Variants in FGF18 observed in about 807,000 individuals in gnomAD.
FGF18 encodes the protein fibroblast growth factor 18.
FGF18 carries 5 observed loss-of-function variants against 23.0 expected under a neutral mutation model. That is an observed-to-expected ratio of 0.22 (90% CI 0.11 to 0.46). The LOEUF (loss-of-function observed/expected upper bound fraction) is 0.46. Among genes scored for constraint, FGF18 ranks in the 20% least tolerant of loss-of-function variants. The pLI is 0.99. For missense variants in FGF18, 180 were observed against 291.6 expected (o/e 0.62, Z 2.79); for synonymous variants, 117 against 118.9 (o/e 0.98, Z 0.10).
chr5:171,425,422 T>A (rs1772075176), intron 2 of FGF18, among the ~76,000 whole-genome samples: 1 of 152,164 alleles, frequency 6.6e-6, no homozygotes, highest in African/African-American at 2.4e-5. Context: ...AGTTTCACCA[T>A]GTTGGCCAGG....
chr5:171,441,799 G>A (rs958901653), intron 3 of FGF18, among the ~76,000 whole-genome samples: 1 of 152,236 alleles, frequency 6.6e-6, no homozygotes, highest in African/African-American at 2.4e-5. Flanking sequence ...CCCTGTGTGT[G>A]TCAGGGTATG....
At position 171,435,990 on chromosome 5, in the gene FGF18, G is replaced by C; in HGVS notation, c.70-103G>C. 8.7e-6 allele frequency: 8 copies of C among 916,480 alleles called. No individual in the cohort carries two copies. The South Asian group carries it at 1.9e-4, about 22-fold the overall frequency. The allele number at this position is 916,480 out of a possible 1,614,324, so 56.8% of individuals were successfully genotyped here. ...GTGTGCCACGGCCTGGCTCAGAGCC[G>C]GTGTAGAGAAGCCCTTGGTCTTTGT... On this transcript the variant is annotated intron_variant, in intron 2 of 4. Transcript: ENST00000274625.
intron 2 of FGF18, among the ~76,000 whole-genome samples, chr5:171,430,174 T>C (rs541836158): frequency 6.7e-6 from 1 of 149,700 alleles, no homozygotes; most frequent in Non-Finnish European, 1.5e-5. Context: ...CTGGCCAAGA[T>C]GGTGAAATCC....
chr5:171,456,339 A>G lies in FGF18; in HGVS notation c.358-200A>G, dbSNP rs1581282523. 6.6e-6 allele frequency among the ~76,000 whole-genome samples: 1 copy of G among 151,356 alleles called. No individual in the cohort carries two copies. Among genetic ancestry groups the G allele is most frequent in the African/African-American group, 2.4e-5 (1 of 41,120 alleles). ...CGATGTTTCCTCTTAGTCATTTTCC[A>G]CTCTGCTCCTTGGCTATAAACCCCC... is the stretch of plus-strand genomic sequence containing the variant. On this transcript the variant is annotated intron_variant, in intron 4 of 4. Transcript: ENST00000274625. This position sits in a 1 kb window ranked among gnomAD's most constrained non-coding sequence, Gnocchi z 6.1.
At chr5:171,420,469 C>T in intron 2 of FGF18, 26 bp downstream of exon 2, 1 of 1,610,080 alleles carries the variant, frequency 6.2e-7, no homozygotes. Flanking sequence ...ACTTTGACCT[C>T]CTCCCGCCCC....
Position 171,451,949 on chromosome 5 carries a change from C to T in FGF18, c.357+2696C>T, listed in dbSNP as rs1772520949. On this transcript the variant is annotated intron_variant, in intron 4 of 4. Coordinates refer to ENST00000274625, the MANE Select transcript of FGF18 (RefSeq NM_003862.3). The surrounding 1 kb of genome is among the most constrained non-coding windows in gnomAD (Gnocchi z 4.5). ...TTGCCTGTCTGCTAACCTGGGTTGT[C>T]ACTGTTTGTCTTTGTGCCTGCATCC... Among the ~76,000 whole-genome samples the T allele has an allele frequency of 2.0e-5, 3 of 152,202 alleles. No individual in the cohort carries two copies. The highest frequency in any genetic ancestry group is 2.0e-4 in the Admixed American group (3 of 15,288).
At position 171,436,219 on chromosome 5, in the gene FGF18, A is replaced by C; in HGVS notation, c.196A>C (p.Ile66Leu). 1 of 1,605,074 alleles carries C rather than the reference A, an allele frequency of 6.2e-7. No individual in the cohort carries two copies. The highest frequency in any genetic ancestry group is 8.5e-7 in the Non-Finnish European group (1 of 1,175,384). ...CTACAGCCGGACCAGTGGGAAACAC[A>C]TCCAGGTCCTGGGCCGCAGGATCAG... The part of the protein sequence containing the change: ...QLYSRTSGKH[I>L]QVLGRRISAR... Residue 66 changes from isoleucine to leucine, a missense_variant, in exon 3 of 5, where the codon ATC becomes CTC. By Grantham distance (5) the Ile-to-Leu change is conservative. This residue lies in a region of FGF18 where 83 missense variants were observed against 190.4 expected (regional missense o/e 0.44). Transcript: ENST00000274625. The surrounding 1 kb of genome is among the most constrained non-coding windows in gnomAD (Gnocchi z 4.4).
rs557332074 is a variant in FGF18, at chr5:171,420,504, C to G, written c.69+61C>G. ...CTGCCTCGCGGTACACGCCGACCCC[C>G]CTTCCCCGGCCGCGCCCCCTCCCTG... On this transcript the variant is annotated intron_variant, in intron 2 of 4. Coordinates refer to ENST00000274625, the MANE Select transcript of FGF18 (RefSeq NM_003862.3). 2.6e-6 allele frequency: 4 copies of G among 1,511,284 alleles called. No homozygotes were observed. The East Asian group carries it at 6.8e-5, about 26-fold the overall frequency. The allele number at this position is 1,511,284 out of a possible 1,614,324, so 93.6% of individuals were successfully genotyped here.
At chr5:171,429,358 G>A (rs776858535) in intron 2 of FGF18, among the ~76,000 whole-genome samples, 6 of 152,224 alleles carry the variant, frequency 3.9e-5, no homozygotes, top group South Asian at 2.1e-4. Flanking sequence ...TGTGAGGAGC[G>A]GACATGGGCC....
At position 171,453,929 on chromosome 5, in the gene FGF18, C is replaced by T. The variant is rs148216183; in HGVS notation, c.358-2610C>T. ...TCATGTGTCATCCCACCGTTTCCAT[C>T]CTAATGAAAATGCGTTCAACCCCAA... On this transcript the variant is annotated intron_variant, in intron 4 of 4. Transcript: ENST00000274625. Among the ~76,000 whole-genome samples the T allele has an allele frequency of 4.5e-3, 684 of 152,170 alleles. 1 individual carries two copies. The highest frequency in any genetic ancestry group is 0.015 in the African/African-American group (633 of 41,524).
intron 2 of FGF18, among the ~76,000 whole-genome samples, chr5:171,424,189 G>A (rs1772059746): frequency 6.6e-6 from 1 of 152,190 alleles, no homozygotes; most frequent in Non-Finnish European, 1.5e-5. Flanking sequence ...GCCTCCAAGA[G>A]CTCCCAGTTT....
rs756441926 is a variant in FGF18 at position 171,436,201 on chromosome 5, C to T, written c.178C>T (p.Arg60Trp). The change falls in exon 3 of 5, where the codon CGG becomes TGG. Residue 60 changes from arginine (R) to tryptophan (W), a missense_variant. Physicochemically the swap from Arg to Trp is moderately radical, Grantham distance 101. Transcript: ENST00000274625. The surrounding 1 kb of genome is among the most constrained non-coding windows in gnomAD (Gnocchi z 4.4). ...KQLRLYQLYS[R>W]TSGKHIQVLG... ...GCTGCGGCTGTACCAGCTCTACAGC[C>T]GGACCAGTGGGAAACACATCCAGGT... 2 of 1,607,726 alleles carry T rather than the reference C, an allele frequency of 1.2e-6. No homozygotes were observed. The highest frequency in any genetic ancestry group is 1.3e-5 in the African/African-American group (1 of 74,754).
Position 171,449,230 on chromosome 5 carries a change from C to T in FGF18, c.334C>T (p.Arg112Cys), listed in dbSNP as rs1772457458. 5 of 1,613,766 alleles carry T rather than the reference C, an allele frequency of 3.1e-6. No homozygotes were observed. The highest frequency in any genetic ancestry group is 2.7e-5 in the African/African-American group (2 of 74,886). Residue 112 changes from arginine to cysteine, a missense_variant, in exon 4 of 5, where the codon CGC (arginine) becomes TGC (cysteine). Around this residue, in one of 3 missense-constraint regions of FGF18, gnomAD observed 83 missense variants for 190.4 expected, o/e 0.44. Coordinates refer to ENST00000274625, the MANE Select transcript of FGF18 (RefSeq NM_003862.3). ...KETEFYLCMN[R>C]KGKLVGKPDG... ...GACGGAATTCTACCTGTGCATGAACCGCAAAGGCAAGCTCGTGGGGAAGGT... is the reference window on the plus strand; with the variant it reads ...GACGGAATTCTACCTGTGCATGAACTGCAAAGGCAAGCTCGTGGGGAAGGT...
chr5:171,456,781 G>T lies in FGF18; in HGVS notation c.600G>T (p.Arg200=). The T allele has an allele frequency of 6.2e-7, 1 of 1,613,724 alleles. No individual in the cohort carries two copies. Among genetic ancestry groups the T allele is most frequent in the African/African-American group, 1.3e-5 (1 of 75,008 alleles). ...KYTTVTKRSR[R]IRPTHPA Reference sequence around the variant, plus strand: ...CGACGGTGACCAAGAGGTCCCGTCGGATCCGGCCCACACACCCTGCCTAGG... The same window carrying T: ...CGACGGTGACCAAGAGGTCCCGTCGTATCCGGCCCACACACCCTGCCTAGG... The change falls in exon 5 of 5, where the codon CGG becomes CGT. Residue 200 remains arginine, a synonymous_variant. Transcript: ENST00000274625. This position sits in a 1 kb window ranked among gnomAD's most constrained non-coding sequence, Gnocchi z 6.1.
chr5:171,420,214 C>G lies in FGF18; in HGVS notation c.15C>G (p.Pro5=), dbSNP rs1326118846. The G allele has an allele frequency of 2.6e-6, 4 of 1,559,324 alleles. No homozygotes were observed. Among genetic ancestry groups the G allele is most frequent in the Non-Finnish European group, 2.6e-6 (3 of 1,156,330 alleles). Reference sequence around the variant, plus strand: ...CCCGCCCAGCGATGTATTCAGCGCCCTCCGCCTGCACTTGCCTGTAAGCGC... The same window carrying G: ...CCCGCCCAGCGATGTATTCAGCGCCGTCCGCCTGCACTTGCCTGTAAGCGC... MYSA[P]SACTCLCLHF... The change falls in exon 1 of 5, where the codon CCC becomes CCG. Residue 5 remains proline (P), a synonymous_variant. Coordinates refer to ENST00000274625, the MANE Select transcript of FGF18 (RefSeq NM_003862.3).
rs1772251585 is a variant in FGF18, at chr5:171,436,700, G to A, written c.250+427G>A. On this transcript the variant is annotated intron_variant, in intron 3 of 4. Coordinates refer to ENST00000274625, the MANE Select transcript of FGF18 (RefSeq NM_003862.3). This position sits in a 1 kb window ranked among gnomAD's most constrained non-coding sequence, Gnocchi z 4.4. The stretch of plus-strand genomic sequence containing the variant: ...CCTAGTGTGTGTGTTATGTGCGCGT[G>A]TGCATATGGGTGCTTTGAGCTTGAG... Among the ~76,000 whole-genome samples the A allele has an allele frequency of 6.6e-6, 1 of 152,208 alleles. No individual in the cohort carries two copies. Among genetic ancestry groups the A allele is most frequent in the Admixed American group, 6.5e-5 (1 of 15,284 alleles).
chr5:171,426,682 T>C (rs1178776902), intron 2 of FGF18, among the ~76,000 whole-genome samples: 2 of 152,244 alleles, frequency 1.3e-5, no homozygotes, highest in Non-Finnish European at 2.9e-5. Context: ...TGGGTTCCAA[T>C]CCTGGCTCTG....
chr5:171,424,236 A>T (rs964258301), intron 2 of FGF18, among the ~76,000 whole-genome samples: 1 of 152,228 alleles, frequency 6.6e-6, no homozygotes, highest in African/African-American at 2.4e-5. Flanking sequence ...AGCCTTGTCT[A>T]TTCTGCCCCC....
At chr5:171,447,764 C>G (rs1772440062) in intron 3 of FGF18, among the ~76,000 whole-genome samples, 1 of 152,080 alleles carries the variant, frequency 6.6e-6, no homozygotes, top group Non-Finnish European at 1.5e-5. Context: ...CTGAGGTATA[C>G]TCTTTGTGGC....
Sources: gnomAD v4.1 joint callset for allele counts (sites outside exome capture counted in the v4.1 genomes callset) on GRCh38, gnomAD v4.1.1 for gene constraint, gnomAD v4.1.1 regional missense constraint, Gnocchi (gnomAD v3.1) non-coding constraint, MANE v1.5 for transcripts, NCBI Gene and HGNC (gene_info 2026-07-23, HGNC 2026-07-21) for gene names.